Variants in THSD7B observed in about 807,000 individuals in gnomAD.
The protein encoded by THSD7B is thrombospondin type 1 domain containing 7B.
THSD7B carries 138 observed loss-of-function variants against 213.6 expected under a neutral mutation model. That is an observed-to-expected ratio of 0.65 (90% CI 0.56 to 0.74). THSD7B has a LOEUF of 0.74. Ranked by LOEUF, THSD7B falls within the 30% of genes least tolerant of loss-of-function variation. THSD7B has a pLI of 0.00. For synonymous variants in THSD7B, 742 were observed against 687.0 expected (o/e 1.08, Z -1.25); for missense variants, 1,931 against 1,991.5 (o/e 0.97, Z 0.58).
intron 4 of THSD7B, among the ~76,000 whole-genome samples, chr2:137,107,318 A>G (rs1360870556): frequency 1.3e-5 from 2 of 152,146 alleles, no homozygotes. Context: ...GTTCTCACTC[A>G]AAGTGGGAGT....
At chr2:137,430,769 G>A (rs1687162023) in intron 14 of THSD7B, among the ~76,000 whole-genome samples, 1 of 152,236 alleles carries the variant, frequency 6.6e-6, no homozygotes, top group South Asian at 2.1e-4. Context: ...CCAGCCAGGA[G>A]AGAGTGACGT....
At chr2:136,852,891 A>C (rs1029163751) in intron 1 of THSD7B, among the ~76,000 whole-genome samples, 2 of 152,284 alleles carry the variant, frequency 1.3e-5, no homozygotes, top group African/African-American at 2.4e-5. Flanking sequence ...CCATTAAAAA[A>C]ATTGTATATG....
At chr2:137,473,011 T>C (rs1187799894) in intron 15 of THSD7B, among the ~76,000 whole-genome samples, 1 of 152,002 alleles carries the variant, frequency 6.6e-6, no homozygotes, top group African/African-American at 2.4e-5. Context: ...CCTAAGCTTA[T>C]GGTTGCAGAC....
chr2:137,369,609 A>C, intron 12 of THSD7B, among the ~76,000 whole-genome samples: 1 of 152,174 alleles, frequency 6.6e-6, no homozygotes, highest in East Asian at 1.9e-4. Context: ...TGCAAAGCAA[A>C]CCATTGCCTT....
At chr2:137,594,893 T>C (rs1242830887) in intron 17 of THSD7B, among the ~76,000 whole-genome samples, 1 of 152,004 alleles carries the variant, frequency 6.6e-6, no homozygotes, top group Non-Finnish European at 1.5e-5. Flanking sequence ...ATTTCAACAA[T>C]GTTTGATAGT....
chr2:137,619,164 T>A (rs1291220096), intron 19 of THSD7B, among the ~76,000 whole-genome samples: 2 of 152,180 alleles, frequency 1.3e-5, no homozygotes, highest in Non-Finnish European at 2.9e-5. Context: ...ATGGGGGCAG[T>A]TTAGTAGAAG....
intron 13 of THSD7B, among the ~76,000 whole-genome samples, chr2:137,409,921 T>C (rs2105010477): frequency 6.6e-6 from 1 of 152,308 alleles, no homozygotes; most frequent in South Asian, 2.1e-4. Flanking sequence ...GTTTTTGTTG[T>C]TGTTTGTTTG....
At chr2:137,512,253 A>T (rs935284452) in intron 15 of THSD7B, 1 of 151,718 alleles carries the variant, frequency 6.6e-6, no homozygotes, top group African/African-American at 2.4e-5. Flanking sequence ...AATCACCCAC[A>T]TTTTCTATCA....
At chr2:137,333,417 C>A (rs1246315568) in intron 12 of THSD7B, among the ~76,000 whole-genome samples, 1 of 152,186 alleles carries the variant, frequency 6.6e-6, no homozygotes, top group African/African-American at 2.4e-5. Flanking sequence ...ATCCTCTACA[C>A]GATGGCAAAG....
At chr2:137,220,508 A>G (rs1681344917) in intron 7 of THSD7B, among the ~76,000 whole-genome samples, 1 of 152,246 alleles carries the variant, frequency 6.6e-6, no homozygotes. Flanking sequence ...ACAACAATTC[A>G]ATAAAGAACA....
chr2:137,483,625 G>A (rs111315860), intron 15 of THSD7B, among the ~76,000 whole-genome samples: 3 of 152,012 alleles, frequency 2.0e-5, no homozygotes, highest in African/African-American at 4.8e-5. Context: ...TAAAAGCACT[G>A]GGGTGGGGAC....
chr2:137,670,814 C>T (rs913247502), intron 27 of THSD7B, among the ~76,000 whole-genome samples: 5 of 150,492 alleles, frequency 3.3e-5, no homozygotes, highest in Admixed American at 6.7e-5. Flanking sequence ...CCAGCTACTC[C>T]GGAGGCTGAG....
chr2:137,259,283 C>G (rs1682384904), intron 10 of THSD7B, among the ~76,000 whole-genome samples: 1 of 152,182 alleles, frequency 6.6e-6, no homozygotes, highest in South Asian at 2.1e-4. Context: ...AATGGTTGAA[C>G]TACTTTATAC....
chr2:137,376,065 G>A (rs115080792), intron 12 of THSD7B, among the ~76,000 whole-genome samples: 2,009 of 152,236 alleles, frequency 0.013, 54 homozygotes, highest in African/African-American at 0.047. Flanking sequence ...CTAATTTATC[G>A]TTTCTCTATA....
intron 15 of THSD7B, among the ~76,000 whole-genome samples, chr2:137,554,026 CTTT>C (rs59453034): frequency 1.8e-3 from 259 of 143,824 alleles, no homozygotes; most frequent in African/African-American, 5.0e-3. Flanking sequence ...AAGATAGCTA[CTTT>C]TTTTTTTTTT....
intron 12 of THSD7B, among the ~76,000 whole-genome samples, chr2:137,375,168 A>C (rs1158531393): frequency 6.6e-6 from 1 of 152,176 alleles, no homozygotes; most frequent in East Asian, 1.9e-4. Flanking sequence ...ATTAAGGTTA[A>C]TTACTTTGCA....
In THSD7B at chr2:137,113,247, C is replaced by A. The variant is rs551204844; in HGVS notation, c.1200-1877C>A. Among the ~76,000 whole-genome samples the A allele has an allele frequency of 6.6e-5, 10 of 152,194 alleles. No homozygotes were observed. The South Asian group carries it at 2.1e-3, about 32-fold the overall frequency. On this transcript the variant is annotated intron_variant, in intron 4 of 27. Coordinates refer to ENST00000409968, the MANE Select transcript of THSD7B (RefSeq NM_001316349.2). ...CTATCTGTGCCCTGAAACTGGAAAT[C>A]TGAAAAACAAGGCTTCTGCTGAGGT...
chr2:137,074,531 CTT>C (rs1407653733), intron 3 of THSD7B, among the ~76,000 whole-genome samples: 1 of 152,176 alleles, frequency 6.6e-6, no homozygotes, highest in Non-Finnish European at 1.5e-5. Context: ...GGTCTTGACT[CTT>C]TATCCAATTT....
intron 2 of THSD7B, among the ~76,000 whole-genome samples, chr2:136,930,544 A>G (rs1033549419): frequency 2.6e-5 from 4 of 152,254 alleles, no homozygotes; most frequent in African/African-American, 4.8e-5. Context: ...ATGTGAAAGT[A>G]TAGTGCTGGG....
Sources: allele counts gnomAD v4.1 joint callset (sites outside exome capture counted in the v4.1 genomes callset), GRCh38; gene constraint gnomAD v4.1.1; transcripts MANE v1.5; gene names NCBI Gene and HGNC (gene_info 2026-07-23, HGNC 2026-07-21).